Variants in YWHAZ observed in about 807,000 individuals in gnomAD.
YWHAZ encodes tyrosine 3-monooxygenase/tryptophan 5-monooxygenase activation protein zeta, also known as 14-3-3 protein zeta/delta.
For missense variants in YWHAZ, 79 were observed against 284.8 expected (o/e 0.28, Z 5.20); for synonymous variants, 87 against 103.6 (o/e 0.84, Z 0.97).
Position 100,934,259 on chromosome 8 carries a change from G to T in YWHAZ, c.295-9220C>A, listed in dbSNP as rs1480443853. Reference sequence around the variant, plus strand: ...GAGATGGGAGGATCACTTGAGCACAGGATGTCATGGCTGCAGTGAGTGCAC... The same window carrying T: ...GAGATGGGAGGATCACTTGAGCACATGATGTCATGGCTGCAGTGAGTGCAC... On this transcript the variant is annotated intron_variant, in intron 2 of 5. Transcript: ENST00000395958. 2.0e-5 allele frequency among the ~76,000 whole-genome samples: 3 copies of T among 150,816 alleles called. No homozygotes were observed. In the South Asian group the frequency reaches 6.3e-4, roughly 31 times the overall value.
At chr8:100,951,122 T>A in intron 1 of YWHAZ, 63 of 739,878 alleles carry the variant, frequency 8.5e-5, no homozygotes, top group Middle Eastern at 7.0e-4. Context: ...AAGTCCTTCC[T>A]CCCACCGCGG....
Position 100,924,787 on chromosome 8 carries a change from C to CA in YWHAZ, c.418+128dup. 8.4e-7 allele frequency: 1 copy of CA among 1,188,032 alleles called. No individual in the cohort carries two copies. Among genetic ancestry groups the CA allele is most frequent in the Non-Finnish European group, 1.2e-6 (1 of 850,294 alleles). The allele number at this position is 1,188,032 out of a possible 1,614,324, so 73.6% of individuals were successfully genotyped here. ...GCAGTAGATGTGTATTCTCAGAACA[C>CA]AAAGAGCACTGCTACTCCTTATTCG... On this transcript the variant is annotated intron_variant, in intron 3 of 5. Coordinates refer to ENST00000395958, the MANE Select transcript of YWHAZ (RefSeq NM_145690.3). This position sits in a 1 kb window ranked among gnomAD's most constrained non-coding sequence, Gnocchi z 5.7.
At chr8:100,951,368 C>A (rs1281508024) in intron 1 of YWHAZ, 1 of 984,398 alleles carries the variant, frequency 1.0e-6, no homozygotes, top group African/African-American at 1.7e-5. Flanking sequence ...AGGGCCGGGT[C>A]CCGCCGCCGC....
At chr8:100,952,935 T>C (rs899129449), upstream of YWHAZ, 20 of 1,000,164 alleles carry the variant, frequency 2.0e-5, no homozygotes, top group East Asian at 3.4e-4. Context: ...GGCTGAGTGA[T>C]GGGGAGGCGT....
In YWHAZ at chr8:100,948,589, T is replaced by G. The variant is rs1810477692; in HGVS notation, c.294+7A>C. 1 of 1,610,136 alleles carries G rather than the reference T, an allele frequency of 6.2e-7. No homozygotes were observed. Among genetic ancestry groups the G allele is most frequent in the Non-Finnish European group, 8.5e-7 (1 of 1,179,010 alleles). ...GTATAATGAAGCCAGACTGAATTGA[T>G]TCTCACCAGTACATCATTGCAGATA... On this transcript the variant is annotated splice_region_variant and intron_variant, in intron 2 of 5. Transcript: ENST00000395958. The surrounding 1 kb of genome is among the most constrained non-coding windows in gnomAD (Gnocchi z 4.2).
intron 2 of YWHAZ, among the ~76,000 whole-genome samples, chr8:100,936,236 AAC>A (rs1398088686): frequency 6.6e-6 from 1 of 152,256 alleles, no homozygotes; most frequent in African/African-American, 2.4e-5. Context: ...ATTCAGTATA[AAC>A]AGAGGCAGCT....
chr8:100,920,803 G>T lies in YWHAZ; in HGVS notation c.679-51C>A, dbSNP rs781048446. On this transcript the variant is annotated intron_variant, in intron 5 of 5. Transcript: ENST00000395958. ...AGCAAGTTTCAGTGGGATGGGGGGG[G>T]GGGGGCGTTTTCATATAAGTGCCAA... 1.2e-5 allele frequency: 9 copies of T among 757,854 alleles called. 1 individual carries two copies. Among genetic ancestry groups the T allele is most frequent in the East Asian group, 5.8e-5 (1 of 17,134 alleles). 46.9% of individuals were successfully genotyped at this position (757,854 alleles called of 1,614,324 possible).
rs1301179145 is a variant in YWHAZ, at chr8:100,924,096, A to C, written c.582+39T>G. 1.9e-6 allele frequency: 3 copies of C among 1,607,956 alleles called. No homozygotes were observed. The South Asian group carries it at 3.3e-5, about 18-fold the overall frequency. The stretch of plus-strand genomic sequence containing the variant: ...ATTACATTTCAGTGCTCAAATAATA[A>C]AGACTGCTAAATTTCTACGTAACAG... On this transcript the variant is annotated intron_variant, in intron 4 of 5. Transcript: ENST00000395958. This position sits in a 1 kb window ranked among gnomAD's most constrained non-coding sequence, Gnocchi z 5.7.
chr8:100,947,658 T>C (rs1037882427), intron 2 of YWHAZ, among the ~76,000 whole-genome samples: 1 of 152,230 alleles, frequency 6.6e-6, no homozygotes, highest in African/African-American at 2.4e-5. Context: ...CTATTGCTCA[T>C]TATAGCACTT....
At chr8:100,951,759 C>A (rs910142818) in intron 1 of YWHAZ, 170 bp downstream of exon 1, 5 of 985,108 alleles carry the variant, frequency 5.1e-6, no homozygotes, top group African/African-American at 1.7e-5. Flanking sequence ...CCTCCCGAGC[C>A]CAGCGGAAGA....
At chr8:100,928,948 T>C (rs537083583) in intron 2 of YWHAZ, among the ~76,000 whole-genome samples, 1 of 152,118 alleles carries the variant, frequency 6.6e-6, no homozygotes, top group East Asian at 1.9e-4. Context: ...AGAAAACTTA[T>C]GAGTGGTCCA....
intron 1 of YWHAZ, chr8:100,951,490 G>C: frequency 1.0e-6 from 1 of 985,504 alleles, no homozygotes; most frequent in South Asian, 4.7e-5. Flanking sequence ...CGCCGCCGCC[G>C]AGTCATTATC....
rs780992533 is a variant in YWHAZ, at chr8:100,948,054, G to A, written c.294+542C>T. 4.0e-6 allele frequency: 6 copies of A among 1,509,808 alleles called. No homozygotes were observed. The highest frequency in any genetic ancestry group is 5.3e-6 in the Non-Finnish European group (6 of 1,125,914). 93.5% of individuals were successfully genotyped at this position (1,509,808 alleles called of 1,614,324 possible). A position where few individuals can be genotyped will look rare whatever the true frequency, so the allele number is the denominator to read the frequency against. ...TGAGTTGTTCATAACCTTTCATCAT[G>A]GTTGTGAGTGTTCAAAATTTACCTT... is the stretch of plus-strand genomic sequence containing the variant. On this transcript the variant is annotated intron_variant, in intron 2 of 5. Coordinates refer to ENST00000395958, the MANE Select transcript of YWHAZ (RefSeq NM_145690.3). This position sits in a 1 kb window ranked among gnomAD's most constrained non-coding sequence, Gnocchi z 4.2.
chr8:100,923,376 T>C (rs923559529), intron 5 of YWHAZ: 3 of 152,160 alleles, frequency 2.0e-5, no homozygotes, highest in Non-Finnish European at 2.9e-5. Context: ...TTCAAATAAC[T>C]TAAAAAAAGA....
chr8:100,935,745 TTA>T (rs1331996979), intron 2 of YWHAZ, among the ~76,000 whole-genome samples: 1 of 152,118 alleles, frequency 6.6e-6, no homozygotes, highest in East Asian at 1.9e-4. Context: ...GGGTCCTAGA[TTA>T]TGGTACTAAT....
At chr8:100,923,008 T>G (rs547394482) in intron 5 of YWHAZ, 3 of 152,330 alleles carry the variant, frequency 2.0e-5, no homozygotes, top group Admixed American at 2.0e-4. Context: ...TTAGGTTTAA[T>G]AAACAAGTAT....
At chr8:100,943,998 GA>G (rs1269434686) in intron 2 of YWHAZ, among the ~76,000 whole-genome samples, 1 of 132,032 alleles carries the variant, frequency 7.6e-6, no homozygotes, top group East Asian at 2.1e-4. Context: ...AAAAAAAAAA[GA>G]AAAAAGAAAA....
chr8:100,946,065 T>C (rs1318027064), intron 2 of YWHAZ, among the ~76,000 whole-genome samples: 1 of 152,144 alleles, frequency 6.6e-6, no homozygotes, highest in East Asian at 1.9e-4. Context: ...TTAAAACTTT[T>C]TGGGAAGCCA....
At chr8:100,926,639 A>C (rs925058609) in intron 2 of YWHAZ, among the ~76,000 whole-genome samples, 2 of 152,214 alleles carry the variant, frequency 1.3e-5, no homozygotes, top group Non-Finnish European at 2.9e-5. Context: ...AAAATAAAAT[A>C]AAATTACTGG....
Sources: gnomAD v4.1 joint callset for allele counts (sites outside exome capture counted in the v4.1 genomes callset) on GRCh38, gnomAD v4.1.1 for gene constraint, Gnocchi (gnomAD v3.1) non-coding constraint, MANE v1.5 for transcripts, NCBI Gene and HGNC (gene_info 2026-07-23, HGNC 2026-07-21) for gene names.